ATG10: variants seen among roughly 807,000 people sequenced by gnomAD.
The protein encoded by ATG10 is ubiquitin-like-conjugating enzyme ATG10.
A neutral mutation model predicts 32.1 loss-of-function variants in ATG10; 30 were observed. That is an observed-to-expected ratio of 0.94 (90% CI 0.70 to 1.27). The LOEUF is 1.27. Ranked by LOEUF, ATG10 falls within the 50% of genes most tolerant of loss-of-function variation. ATG10 has a pLI of 0.00. For synonymous variants in ATG10, 87 were observed against 91.5 expected (o/e 0.95, Z 0.28); for missense variants, 233 against 262.3 (o/e 0.89, Z 0.77).
At chr5:82,068,569 GA>G (rs144537613) in intron 3 of ATG10, among the ~76,000 whole-genome samples, 67 of 141,406 alleles carry the variant, frequency 4.7e-4, no homozygotes, top group East Asian at 6.1e-4. Context: ...ATTCTTATCT[GA>G]AAAAAAAAAA....
chr5:82,029,081 A>G (rs950148882), intron 2 of ATG10, among the ~76,000 whole-genome samples: 7 of 152,212 alleles, frequency 4.6e-5, no homozygotes, highest in African/African-American at 1.7e-4. Context: ...ATATTGTCAT[A>G]AGAAATTTTC....
intron 3 of ATG10, chr5:82,147,604 C>G (rs1581742446): frequency 6.6e-6 from 1 of 152,224 alleles, no homozygotes; most frequent in Admixed American, 6.5e-5. Context: ...CTCAATTCAG[C>G]TCTTTTAACC....
At chr5:82,229,820 G>A (rs1746277938) in intron 5 of ATG10, among the ~76,000 whole-genome samples, 1 of 152,166 alleles carries the variant, frequency 6.6e-6, no homozygotes, top group African/African-American at 2.4e-5. Context: ...CATGGGTTTT[G>A]CTATCTGTGG....
chr5:82,209,209 C>A (rs770182072), intron 5 of ATG10, among the ~76,000 whole-genome samples: 2 of 152,048 alleles, frequency 1.3e-5, no homozygotes, highest in Non-Finnish European at 2.9e-5. Context: ...ATTTGAAGGT[C>A]GTCTTTTTTA....
intron 2 of ATG10, among the ~76,000 whole-genome samples, chr5:82,047,788 A>T (rs1381475840): frequency 6.6e-6 from 1 of 152,172 alleles, no homozygotes; most frequent in Non-Finnish European, 1.5e-5. Flanking sequence ...GCTTCCAGGA[A>T]AAGGGAGTAG....
intron 3 of ATG10, among the ~76,000 whole-genome samples, chr5:82,068,464 G>A (rs757377929): frequency 3.3e-5 from 5 of 151,840 alleles, no homozygotes; most frequent in Non-Finnish European, 7.4e-5. Context: ...AGGTTGATGG[G>A]TGCAGCAAAC....
At position 82,253,504 on chromosome 5, in the gene ATG10, C is replaced by A. The variant is rs1033140717; in HGVS notation, c.*4+75C>A. On this transcript the variant is annotated intron_variant, in intron 7 of 7. Coordinates refer to ENST00000282185, the MANE Select transcript of ATG10 (RefSeq NM_031482.5). ...CTCCATTGCATTTAGACTCATCCCA[C>A]CAAATGCAAAATTTGCTTTCATCTT... The A allele has an allele frequency of 6.5e-4, 669 of 1,035,834 alleles. 2 individuals carry two copies. Among genetic ancestry groups the A allele is most frequent in the Admixed American group, 3.3e-4 (17 of 51,064 alleles). 64.2% of individuals were successfully genotyped at this position (1,035,834 alleles called of 1,614,324 possible). A position where few individuals can be genotyped will look rare whatever the true frequency, so the allele number is the denominator to read the frequency against.
chr5:82,150,520 C>A (rs556856953), intron 3 of ATG10, among the ~76,000 whole-genome samples: 3 of 152,270 alleles, frequency 2.0e-5, no homozygotes, highest in East Asian at 3.9e-4. Flanking sequence ...TTATCATTAA[C>A]ATTGCAAATA....
chr5:82,090,024 C>A (rs1764826739), intron 3 of ATG10, among the ~76,000 whole-genome samples: 1 of 149,456 alleles, frequency 6.7e-6, no homozygotes, highest in African/African-American at 2.5e-5. Context: ...CAAATTAAAA[C>A]AACAATGAGA....
intron 3 of ATG10, among the ~76,000 whole-genome samples, chr5:82,088,011 A>T (rs748410930): frequency 6.6e-6 from 1 of 152,206 alleles, no homozygotes; most frequent in Non-Finnish European, 1.5e-5. Context: ...AAGGAAGCAA[A>T]GAGATAAATA....
In ATG10 at chr5:82,199,325, T is replaced by C. The variant is rs187393685; in HGVS notation, c.453+20738T>C. On this transcript the variant is annotated intron_variant, in intron 5 of 7. Transcript: ENST00000282185. ...TGTCTCAAATTTTCTTTTTAATAAA[T>C]TTCCCAAGTCTTGACAGCTAACTAG... 7.5e-3 allele frequency among the ~76,000 whole-genome samples: 1,140 copies of C among 152,296 alleles called. 14 individuals are homozygous for C. The highest frequency in any genetic ancestry group is 0.026 in the African/African-American group (1,065 of 41,546).
At chr5:82,087,831 AAAT>A (rs1195450856) in intron 3 of ATG10, among the ~76,000 whole-genome samples, 2 of 152,278 alleles carry the variant, frequency 1.3e-5, no homozygotes, top group African/African-American at 4.8e-5. Flanking sequence ...TCATCATTAT[AAAT>A]AAAGAGGGCA....
intron 4 of ATG10, among the ~76,000 whole-genome samples, chr5:82,175,533 T>C (rs1291367865): frequency 6.6e-6 from 1 of 152,226 alleles, no homozygotes; most frequent in Non-Finnish European, 1.5e-5. Context: ...AATTGTACAC[T>C]TCACATGGGT....
At chr5:82,087,151 A>G (rs142520002) in intron 3 of ATG10, among the ~76,000 whole-genome samples, 23 of 152,316 alleles carry the variant, frequency 1.5e-4, no homozygotes, top group African/African-American at 5.1e-4. Context: ...GACAGGGTTT[A>G]TGCATCAAAA....
At chr5:82,118,127 G>T (rs77608229) in intron 3 of ATG10, among the ~76,000 whole-genome samples, 3 of 151,726 alleles carry the variant, frequency 2.0e-5, no homozygotes, top group Non-Finnish European at 4.4e-5. Context: ...TGATGGTAAA[G>T]GAAAGAAAAA....
At chr5:82,187,688 A>G (rs1744507476) in intron 5 of ATG10, among the ~76,000 whole-genome samples, 1 of 151,088 alleles carries the variant, frequency 6.6e-6, no homozygotes, top group African/African-American at 2.4e-5. Context: ...CGGGGGTTCA[A>G]GTGATTCTCC....
chr5:82,079,148 T>C (rs1764380869), intron 3 of ATG10, among the ~76,000 whole-genome samples: 1 of 152,218 alleles, frequency 6.6e-6, no homozygotes, highest in South Asian at 2.1e-4. Flanking sequence ...TTTGGTTTGA[T>C]GCTCTTTGGT....
intron 5 of ATG10, among the ~76,000 whole-genome samples, chr5:82,225,402 G>C (rs1021494315): frequency 6.6e-6 from 1 of 152,138 alleles, no homozygotes; most frequent in Non-Finnish European, 1.5e-5. Context: ...AACCTCCTGG[G>C]TTCTAAATTA....
chr5:82,227,614 G>C (rs907224396), intron 5 of ATG10, among the ~76,000 whole-genome samples: 1 of 152,106 alleles, frequency 6.6e-6, no homozygotes, highest in African/African-American at 2.4e-5. Context: ...AACCTCAGGT[G>C]ATCCGCCTGC....
Sources: gnomAD v4.1 joint callset for allele counts (sites outside exome capture counted in the v4.1 genomes callset) on GRCh38, gnomAD v4.1.1 for gene constraint, MANE v1.5 for transcripts, NCBI Gene and HGNC (gene_info 2026-07-23, HGNC 2026-07-21) for gene names.